The following NLK variants were observed in gnomAD, a reference collection of about 807,000 sequenced individuals.
NLK encodes nemo like kinase.
A neutral mutation model predicts 59.0 loss-of-function variants in NLK; 11 were observed. That is an observed-to-expected ratio of 0.19 (90% confidence interval 0.12 to 0.31). The LOEUF (loss-of-function observed/expected upper bound fraction) is 0.31. Ranked by LOEUF, NLK falls within the 10% of genes least tolerant of loss-of-function variation. NLK has a pLI of 1.00. For synonymous variants in NLK, 235 were observed against 235.9 expected, an observed-to-expected ratio of 1.00 and a Z score of 0.03; for missense variants, 410 against 661.1, an observed-to-expected ratio of 0.62 and a Z score of 4.16.
chr17:28,070,382 A>G (rs1399124432), intron 1 of NLK, among the ~76,000 whole-genome samples: 1 of 143,978 alleles, frequency 6.9e-6, no homozygotes. Context: ...TTGAGACGGA[A>G]TCTCGCCCTG....
intron 1 of NLK, among the ~76,000 whole-genome samples, chr17:28,075,591 C>T (rs1031255203): frequency 2.0e-5 from 3 of 152,184 alleles, no homozygotes; most frequent in African/African-American, 7.2e-5. Context: ...ACTTATTTTA[C>T]AAAATTGGGC....
At chr17:28,068,039 G>T (rs1193002347) in intron 1 of NLK, among the ~76,000 whole-genome samples, 2 of 151,684 alleles carry the variant, frequency 1.3e-5, no homozygotes, top group Non-Finnish European at 2.9e-5. Flanking sequence ...TACTCAGGAG[G>T]CTGAGGTAGG....
At chr17:28,145,809 G>T (rs1488456134) in intron 3 of NLK, among the ~76,000 whole-genome samples, 1 of 152,040 alleles carries the variant, frequency 6.6e-6, no homozygotes, top group Non-Finnish European at 1.5e-5. Flanking sequence ...GGGTTCAAGG[G>T]ATTCTCCTGC....
At position 28,043,223 on chromosome 17, in the gene NLK, C is replaced by T. The variant is rs772056242; in HGVS notation, c.350C>T (p.Ala117Val). 3 of 1,613,872 alleles carry T rather than the reference C, an allele frequency of 1.9e-6. No homozygotes were observed. Residue 117 changes from alanine to valine, a missense_variant, in exon 1 of 11, where the codon GCA becomes GTA. Ala to Val is a moderately conservative substitution (Grantham distance 64). Transcript: ENST00000407008. ...AAAPAQVQAA[A>V]AATVKAHHHQ... is the part of the protein sequence containing the mutation. Reference sequence around the variant, plus strand: ...GCCCCAGCTCAGGTACAGGCTGCCGCAGCTGCTACAGTTAAGGCGCACCAT... The same window carrying T: ...GCCCCAGCTCAGGTACAGGCTGCCGTAGCTGCTACAGTTAAGGCGCACCAT...
intron 1 of NLK, among the ~76,000 whole-genome samples, chr17:28,094,661 TG>T (rs2142782541): frequency 6.6e-6 from 1 of 152,206 alleles, no homozygotes; most frequent in Admixed American, 6.5e-5. Context: ...GGGTGGGTGG[TG>T]GGGAGGAGAG....
At chr17:28,138,154 AC>A (rs1473180525) in intron 3 of NLK, among the ~76,000 whole-genome samples, 1 of 152,228 alleles carries the variant, frequency 6.6e-6, no homozygotes, top group African/African-American at 2.4e-5. Context: ...TCTACAATGC[AC>A]ATTAACAGGC....
intron 1 of NLK, among the ~76,000 whole-genome samples, chr17:28,094,548 T>C (rs1165519728): frequency 6.6e-6 from 1 of 152,172 alleles, no homozygotes; most frequent in Non-Finnish European, 1.5e-5. Flanking sequence ...TAATGTAAAG[T>C]CAGTCATCAA....
downstream of NLK, among the ~76,000 whole-genome samples, chr17:28,196,678 T>A (rs1909492162): frequency 2.0e-5 from 3 of 152,210 alleles, no homozygotes; most frequent in South Asian, 6.2e-4. Flanking sequence ...AAGCAATATC[T>A]TGGAGTCCAA....
At chr17:28,202,905 A>G in the NLK span, among the ~76,000 whole-genome samples, 1 of 148,746 alleles carries the variant, frequency 6.7e-6, no homozygotes, top group African/African-American at 2.5e-5. Context: ...GCTGGTCTCG[A>G]ACTCCTGACC....
intron 1 of NLK, among the ~76,000 whole-genome samples, chr17:28,107,172 G>T (rs545110585): frequency 6.6e-6 from 1 of 152,004 alleles, no homozygotes; most frequent in Non-Finnish European, 1.5e-5. Context: ...AGTGGCTCAC[G>T]CCTGTAATCC....
At chr17:28,109,862 C>A (rs1905386245) in intron 1 of NLK, among the ~76,000 whole-genome samples, 1 of 152,124 alleles carries the variant, frequency 6.6e-6, no homozygotes, top group Non-Finnish European at 1.5e-5. Context: ...GTTGCAGGGT[C>A]ATGGTAAGTT....
intron 1 of NLK, 123 bp from the exon 2 acceptor site, chr17:28,122,480 A>C: frequency 1.0e-6 from 1 of 980,872 alleles, no homozygotes; most frequent in South Asian, 1.7e-5. Flanking sequence ...AGCTTCATTA[A>C]GTGGACTTAA....
rs1908356101 is a variant in NLK, at chr17:28,169,029, G to A, written c.1047+372G>A. On this transcript the variant is annotated intron_variant, in intron 6 of 10. Coordinates refer to ENST00000407008, the MANE Select transcript of NLK (RefSeq NM_016231.5). ...GCCTCCCAAGTAGCTGGGATTACAG[G>A]CACGCTCCACCACACCTGGCTAGTT... is the stretch of plus-strand genomic sequence containing the variant. Among the ~76,000 whole-genome samples, 3 of 152,194 alleles carry A rather than the reference G, an allele frequency of 2.0e-5. No individual in the cohort carries two copies. In the South Asian group the frequency reaches 6.2e-4, roughly 32 times the overall value.
chr17:28,167,269 C>T (rs1179344426), intron 5 of NLK, among the ~76,000 whole-genome samples: 1 of 152,102 alleles, frequency 6.6e-6, no homozygotes, highest in African/African-American at 2.4e-5. Flanking sequence ...CTCAATCTCA[C>T]TCTGTCTCCC....
chr17:28,106,510 A>G (rs1394074761), intron 1 of NLK, among the ~76,000 whole-genome samples: 1 of 152,210 alleles, frequency 6.6e-6, no homozygotes, highest in Non-Finnish European at 1.5e-5. Context: ...ATATCTCACT[A>G]TGAGAATTTC....
At chr17:28,073,939 T>C (rs902664724) in intron 1 of NLK, among the ~76,000 whole-genome samples, 1 of 152,260 alleles carries the variant, frequency 6.6e-6, no homozygotes, top group African/African-American at 2.4e-5. Context: ...GTTTGTTGAA[T>C]TGAGTTTTCA....
At position 28,125,046 on chromosome 17, in the gene NLK, CA is replaced by C. The variant is rs957253681; in HGVS notation, c.588+2324del. 9.6e-5 allele frequency among the ~76,000 whole-genome samples: 14 copies of C among 145,178 alleles called. No homozygotes were observed. In the East Asian group the frequency reaches 1.0e-3, roughly 10 times the overall value. ...CTGGGCACAGAGCAAGATATCACCT[CA>C]AAAAAAAAAGACAAAAAAGAAATTT... On this transcript the variant is annotated intron_variant, in intron 2 of 10. Coordinates refer to ENST00000407008, the MANE Select transcript of NLK (RefSeq NM_016231.5).
intron 5 of NLK, among the ~76,000 whole-genome samples, chr17:28,164,055 A>G (rs138105920): frequency 1.1e-3 from 161 of 152,344 alleles, no homozygotes; most frequent in African/African-American, 3.8e-3. Flanking sequence ...TAGCAAAGTA[A>G]GAAGTAGAAA....
intron 1 of NLK, among the ~76,000 whole-genome samples, chr17:28,075,641 A>T (rs764103916): frequency 3.9e-5 from 6 of 152,162 alleles, no homozygotes; most frequent in Non-Finnish European, 8.8e-5. Flanking sequence ...ACTGTTCTTA[A>T]GTTTTCTTCT....
Sources: allele counts gnomAD v4.1 joint callset (sites outside exome capture counted in the v4.1 genomes callset), GRCh38; gene constraint gnomAD v4.1.1; transcripts MANE v1.5; gene names NCBI Gene and HGNC (gene_info 2026-07-23, HGNC 2026-07-21).